Variants in TBCD observed in about 807,000 individuals in gnomAD.
TBCD encodes the protein tubulin folding cofactor D.
A neutral mutation model predicts 169.3 loss-of-function variants in TBCD; 105 were observed. The ratio of observed to expected loss-of-function variants is 0.62; its 90% CI spans 0.53 to 0.73. The LOEUF (loss-of-function observed/expected upper bound fraction) is 0.73. Among genes scored for constraint, TBCD ranks in the 30% least tolerant of loss-of-function variants. TBCD has a pLI of 0.00. For missense variants in TBCD, 1,444 were observed against 1,600.1 expected (o/e 0.90, Z 1.66); for synonymous variants, 700 against 643.9 (o/e 1.09, Z -1.32).
rs140338832 is a variant in TBCD at position 82,928,889 on chromosome 17, C to T, written c.2694-224C>T. The stretch of plus-strand genomic sequence containing the variant: ...ACAAGTACGTAGCATGTATTTGCTG[C>T]GCACCTGTAGGGTTGGGCTCCTGGG... On this transcript the variant is annotated intron_variant, in intron 30 of 38. Transcript: ENST00000355528. Among the ~76,000 whole-genome samples, 231 of 152,286 alleles carry T rather than the reference C, an allele frequency of 1.5e-3. 4 individuals carry two copies. Among genetic ancestry groups the T allele is most frequent in the African/African-American group, 5.0e-3 (208 of 41,546 alleles).
intron 37 of TBCD, among the ~76,000 whole-genome samples, chr17:82,939,775 G>A (rs901454418): frequency 6.6e-6 from 1 of 152,236 alleles, no homozygotes; most frequent in Non-Finnish European, 1.5e-5. Context: ...GTGGAGCAGA[G>A]GGCACTGAAG....
intron 34 of TBCD, among the ~76,000 whole-genome samples, chr17:82,933,726 C>T (rs992522642): frequency 6.6e-6 from 1 of 152,156 alleles, no homozygotes; most frequent in Non-Finnish European, 1.5e-5. Flanking sequence ...GCAGTTCTCT[C>T]GCAGACTTCT....
chr17:82,863,525 C>A (rs1293017509), intron 13 of TBCD, among the ~76,000 whole-genome samples: 2 of 152,210 alleles, frequency 1.3e-5, no homozygotes, highest in Admixed American at 6.5e-5. Context: ...AATAATGTTG[C>A]ACCTACTGTG....
Position 82,752,066 on chromosome 17 carries a change from C to T in TBCD, c.-128C>T, listed in dbSNP as rs1455499285. On this transcript the variant is annotated 5_prime_UTR_variant, in exon 1 of 39. Transcript: ENST00000355528. ...TGGGGTCGGAGGTCGCGGGGCGGGG[C>T]CAGCGTCGGTTGCCGCCTTAGCGGG... 4 of 1,122,088 alleles carry T rather than the reference C, an allele frequency of 3.6e-6. No individual in the cohort carries two copies. The highest frequency in any genetic ancestry group is 4.7e-6 in the Non-Finnish European group (4 of 844,576). The allele number at this position is 1,122,088 out of a possible 1,614,324, so 69.5% of individuals were successfully genotyped here. A position where few individuals can be genotyped will look rare whatever the true frequency, so the allele number is the denominator to read the frequency against.
intron 13 of TBCD, among the ~76,000 whole-genome samples, chr17:82,823,259 C>T (rs1353574030): frequency 6.6e-5 from 10 of 152,214 alleles, no homozygotes. Flanking sequence ...CTGCCCCCTG[C>T]AGGCCTGTGT....
intron 15 of TBCD, among the ~76,000 whole-genome samples, chr17:82,888,663 A>G (rs1421765365): frequency 6.6e-6 from 1 of 152,156 alleles, no homozygotes; most frequent in Non-Finnish European, 1.5e-5. Flanking sequence ...GATTGGCCAG[A>G]GGTGGTGGGC....
chr17:82,941,535 G>A (rs2063261082), intron 38 of TBCD, 52 bp downstream of exon 38: 6 of 1,491,396 alleles, frequency 4.0e-6, no homozygotes, highest in Non-Finnish European at 5.5e-6. Flanking sequence ...CTGAGCTCTG[G>A]AATGTTCTGG....
intron 16 of TBCD, among the ~76,000 whole-genome samples, chr17:82,892,055 G>T (rs2059178410): frequency 6.6e-6 from 1 of 152,210 alleles, no homozygotes; most frequent in South Asian, 2.1e-4. Context: ...AGGTGAGGAA[G>T]TTGAGGCTCA....
chr17:82,752,757 C>T (rs1326646598), intron 1 of TBCD, among the ~76,000 whole-genome samples: 1 of 152,218 alleles, frequency 6.6e-6, no homozygotes, highest in African/African-American at 2.4e-5. Context: ...GACAGCTGGT[C>T]AGCCCTGCAG....
chr17:82,908,192 C>T (rs1047499213), intron 21 of TBCD: 2 of 396,096 alleles, frequency 5.0e-6, no homozygotes, highest in South Asian at 3.7e-5. Context: ...GGCTGCGGTC[C>T]CACGATGGAG....
At chr17:82,801,065 G>C in intron 9 of TBCD, 69 bp downstream of exon 9, 1 of 1,374,088 alleles carries the variant, frequency 7.3e-7, no homozygotes. Flanking sequence ...GGGGGCAGGC[G>C]CCATTGATGA....
intron 14 of TBCD, among the ~76,000 whole-genome samples, chr17:82,883,004 C>T (rs913207719): frequency 1.3e-5 from 2 of 152,086 alleles, no homozygotes; most frequent in African/African-American, 4.8e-5. Flanking sequence ...GGAGCTTGCT[C>T]TCTCTGCAGT....
At chr17:82,937,213 T>C in intron 34 of TBCD, 58 bp from the exon 35 acceptor site, 1 of 1,509,182 alleles carries the variant, frequency 6.6e-7, no homozygotes, top group Non-Finnish European at 9.2e-7. Flanking sequence ...ACAGAAAAAG[T>C]GTGCATCCCG....
chr17:82,878,903 G>A (rs75272789), intron 14 of TBCD, among the ~76,000 whole-genome samples: 2,497 of 152,144 alleles, frequency 0.016, 75 homozygotes, highest in African/African-American at 0.058. Context: ...GGACTCATGG[G>A]TGCTCATCCT....
At chr17:82,828,082 C>T (rs867045609) in intron 13 of TBCD, among the ~76,000 whole-genome samples, 3 of 150,320 alleles carry the variant, frequency 2.0e-5, no homozygotes, top group African/African-American at 7.4e-5. Context: ...CACATCCACA[C>T]AATCGAATGC....
intron 8 of TBCD, among the ~76,000 whole-genome samples, chr17:82,798,250 C>A (rs1439742508): frequency 2.7e-5 from 4 of 149,922 alleles, no homozygotes; most frequent in African/African-American, 9.8e-5. Flanking sequence ...GGATTCACGC[C>A]ATTCTCCTGC....
intron 13 of TBCD, among the ~76,000 whole-genome samples, chr17:82,825,996 C>A (rs1268672266): frequency 6.6e-6 from 1 of 152,234 alleles, no homozygotes; most frequent in African/African-American, 2.4e-5. Context: ...GTTTTTCTCT[C>A]ACAGAAATTT....
chr17:82,933,623 T>TG (rs1011458301), intron 34 of TBCD, among the ~76,000 whole-genome samples: 4 of 151,520 alleles, frequency 2.6e-5, no homozygotes, highest in Non-Finnish European at 4.4e-5. Context: ...ACTGCTTTTT[T>TG]TTTGTTTGTT....
chr17:82,764,285 T>C (rs1052688835), intron 3 of TBCD, among the ~76,000 whole-genome samples: 2 of 152,224 alleles, frequency 1.3e-5, no homozygotes, highest in Non-Finnish European at 2.9e-5. Context: ...TTTGAATAGA[T>C]TGAAGCACTG....
Sources: allele counts gnomAD v4.1 joint callset (sites outside exome capture counted in the v4.1 genomes callset), GRCh38; gene constraint gnomAD v4.1.1; transcripts MANE v1.5; gene names NCBI Gene and HGNC (gene_info 2026-07-23, HGNC 2026-07-21).